Variants in ERC1 observed in about 807,000 individuals in gnomAD.
The protein encoded by ERC1 is ELKS/RAB6-interacting/CAST family member 1.
In ERC1, 56 loss-of-function variants were observed where a neutral mutation model predicts 132.0. The ratio of observed to expected loss-of-function variants is 0.42; its 90% CI spans 0.34 to 0.53. The LOEUF is 0.53. Among genes scored for constraint, ERC1 ranks in the 20% least tolerant of loss-of-function variants. ERC1 has a pLI of 0.03. For missense variants in ERC1, 1,202 were observed against 1,349.9 expected, an observed-to-expected ratio of 0.89 and a Z score of 1.72; for synonymous variants, 478 against 476.1, an observed-to-expected ratio of 1.00 and a Z score of -0.05.
At chr12:1,331,234 T>C (rs1006084489) in intron 15 of ERC1, among the ~76,000 whole-genome samples, 1 of 152,220 alleles carries the variant, frequency 6.6e-6, no homozygotes, top group African/African-American at 2.4e-5. Context: ...ACCTGTTTTG[T>C]GTTATATATA....
chr12:1,200,538 A>G (rs368208354), intron 12 of ERC1, among the ~76,000 whole-genome samples: 2 of 151,220 alleles, frequency 1.3e-5, no homozygotes, highest in South Asian at 4.2e-4. Context: ...TCATTCTGCT[A>G]TCTAATCATC....
chr12:1,368,177 G>A (rs1009732938), intron 15 of ERC1, among the ~76,000 whole-genome samples: 3 of 151,812 alleles, frequency 2.0e-5, no homozygotes, highest in Non-Finnish European at 2.9e-5. Context: ...TCTTTAGTTC[G>A]TAAAGCTCTT....
intron 8 of ERC1, among the ~76,000 whole-genome samples, chr12:1,160,176 A>G (rs997817248): frequency 4.6e-5 from 7 of 152,172 alleles, no homozygotes; most frequent in South Asian, 2.1e-4. Context: ...CAATCCTTCA[A>G]TTTCATGCCT....
At chr12:1,336,187 T>C (rs923274930) in intron 15 of ERC1, among the ~76,000 whole-genome samples, 2 of 152,134 alleles carry the variant, frequency 1.3e-5, no homozygotes, top group Non-Finnish European at 2.9e-5. Flanking sequence ...TTATTAATTT[T>C]TTTTTAAAAA....
At chr12:1,005,570 AT>A (rs1438113332) in intron 1 of ERC1, among the ~76,000 whole-genome samples, 1 of 152,088 alleles carries the variant, frequency 6.6e-6, no homozygotes, top group Non-Finnish European at 1.5e-5. Context: ...ATTTCATGTG[AT>A]TTTTCTGGTG....
intron 1 of ERC1, among the ~76,000 whole-genome samples, chr12:1,007,698 G>A (rs1784151680): frequency 6.6e-6 from 1 of 151,942 alleles, no homozygotes; most frequent in South Asian, 2.1e-4. Flanking sequence ...AGCCATGTAT[G>A]GCCATTAAGG....
intron 17 of ERC1, among the ~76,000 whole-genome samples, chr12:1,414,205 C>A (rs1488291563): frequency 6.6e-6 from 1 of 152,204 alleles, no homozygotes; most frequent in Non-Finnish European, 1.5e-5. Context: ...GGGTTGGAGA[C>A]CCCTGGCTTA....
chr12:1,143,772 T>C (rs1171984122), intron 8 of ERC1, among the ~76,000 whole-genome samples: 1 of 152,078 alleles, frequency 6.6e-6, no homozygotes, highest in African/African-American at 2.4e-5. Flanking sequence ...CTCAGAAATG[T>C]TTTAATGTTT....
chr12:1,177,401 A>G (rs1269780189), intron 8 of ERC1, among the ~76,000 whole-genome samples: 1 of 152,126 alleles, frequency 6.6e-6, no homozygotes, highest in African/African-American at 2.4e-5. Context: ...AATCATTTCT[A>G]AATTTTGACT....
At chr12:1,262,256 C>G (rs2077189116) in intron 13 of ERC1, among the ~76,000 whole-genome samples, 1 of 152,230 alleles carries the variant, frequency 6.6e-6, no homozygotes, top group Non-Finnish European at 1.5e-5. Flanking sequence ...CACTTGAACT[C>G]TTCTTCATGT....
chr12:1,433,259 G>A (rs1375727017), intron 17 of ERC1, among the ~76,000 whole-genome samples: 1 of 152,236 alleles, frequency 6.6e-6, no homozygotes, highest in Non-Finnish European at 1.5e-5. Flanking sequence ...CAGGCACACA[G>A]CATGCTTTCC....
chr12:1,125,708 G>A (rs1025887928), intron 7 of ERC1, among the ~76,000 whole-genome samples: 3 of 152,122 alleles, frequency 2.0e-5, no homozygotes, highest in South Asian at 2.1e-4. Flanking sequence ...TCAGCTACTC[G>A]GAAGGCTGAG....
intron 12 of ERC1, among the ~76,000 whole-genome samples, chr12:1,192,622 C>A (rs888750108): frequency 6.6e-6 from 1 of 152,168 alleles, no homozygotes; most frequent in East Asian, 1.9e-4. Context: ...AAGCCAGTCT[C>A]GTGCAAATTG....
chr12:1,403,175 A>G (rs145729320), intron 16 of ERC1, among the ~76,000 whole-genome samples: 50 of 152,248 alleles, frequency 3.3e-4, no homozygotes, highest in African/African-American at 1.2e-3. Flanking sequence ...AAAGAAGTCT[A>G]TTTCAGCAAG....
rs1356749594 is a variant in ERC1, at chr12:1,493,707, A to T, written c.*3477A>T. The T allele has an allele frequency of 1.5e-5, 3 of 206,122 alleles. No individual in the cohort carries two copies. Among genetic ancestry groups the T allele is most frequent in the Non-Finnish European group, 3.0e-5 (3 of 101,548 alleles). The allele number at this position is 206,122 out of a possible 1,614,324, so 12.8% of individuals were successfully genotyped here. ...GGGTTTTAGAAATAACTTGTAAAGCAGACTGGACCCAAGGCCGCCTTCAGT... is the reference window on the plus strand; with the variant it reads ...GGGTTTTAGAAATAACTTGTAAAGCTGACTGGACCCAAGGCCGCCTTCAGT... On this transcript the variant is annotated 3_prime_UTR_variant, in exon 19 of 19. Coordinates refer to ENST00000360905, the MANE Select transcript of ERC1 (RefSeq NM_178040.4).
chr12:998,853 C>CTTTTT (rs527367596), intron 1 of ERC1, among the ~76,000 whole-genome samples: 7 of 102,464 alleles, frequency 6.8e-5, no homozygotes, highest in Non-Finnish European at 9.5e-5. Flanking sequence ...TTCTCTGTCA[C>CTTTTT]TTTTTTTTTT....
chr12:1,155,181 A>G (rs1425642994), intron 8 of ERC1, among the ~76,000 whole-genome samples: 5 of 151,990 alleles, frequency 3.3e-5, no homozygotes, highest in Non-Finnish European at 7.4e-5. Flanking sequence ...AAAAAATCTG[A>G]TGGGCATATT....
At position 1,444,816 on chromosome 12, in the gene ERC1, G is replaced by A. The variant is rs527277290; in HGVS notation, c.3213+66G>A. ...TCCAGTTGCTGTGTAGGTTGATGCA[G>A]TGGGGGCTACCTTGGGGAATCCAGT... is the stretch of plus-strand genomic sequence containing the variant. On this transcript the variant is annotated intron_variant, in intron 18 of 18. Transcript: ENST00000360905. 101 of 1,464,130 alleles carry A rather than the reference G, an allele frequency of 6.9e-5. No homozygotes were observed. The African/African-American group carries it at 9.7e-4, about 14-fold the overall frequency. 90.7% of individuals were successfully genotyped at this position (1,464,130 alleles called of 1,614,324 possible).
intron 2 of ERC1, among the ~76,000 whole-genome samples, chr12:1,070,211 A>G (rs1389493504): frequency 2.0e-5 from 3 of 152,252 alleles, no homozygotes; most frequent in East Asian, 1.9e-4. Context: ...GTTAGGCAAT[A>G]AGAGTATGCT....
Sources: gnomAD v4.1 joint callset for allele counts (sites outside exome capture counted in the v4.1 genomes callset) on GRCh38, gnomAD v4.1.1 for gene constraint, MANE v1.5 for transcripts, NCBI Gene and HGNC (gene_info 2026-07-23, HGNC 2026-07-21) for gene names.